The following IFT56 variants were observed in gnomAD, a reference collection of about 807,000 sequenced individuals.
IFT56 encodes intraflagellar transport protein 56.
chr7:139,148,170 A>T, the IFT56 span: 1 of 1,556,084 alleles, frequency 6.4e-7, no homozygotes, highest in Non-Finnish European at 8.8e-7. Flanking sequence ...CGTGAAGTAG[A>T]CTTAAATGGT....
the IFT56 span, chr7:139,179,664 T>C: frequency 5.7e-6 from 9 of 1,580,348 alleles, no homozygotes; most frequent in Non-Finnish European, 6.1e-6. Flanking sequence ...TTTTTTTAAA[T>C]ATTACAAGAA....
At chr7:139,157,139 CT>C in the IFT56 span, among the ~76,000 whole-genome samples, 75 of 82,128 alleles carry the variant, frequency 9.1e-4, no homozygotes, top group African/African-American at 1.3e-3. Flanking sequence ...TCTTTAATTT[CT>C]TTTTTTTTTT....
chr7:139,156,792 G>C, the IFT56 span, among the ~76,000 whole-genome samples: 1 of 152,076 alleles, frequency 6.6e-6, no homozygotes, highest in African/African-American at 2.4e-5. Context: ...AGATATGTCT[G>C]CTTCTGAACT....
the IFT56 span, among the ~76,000 whole-genome samples, chr7:139,160,467 G>C: frequency 1.4e-5 from 2 of 139,666 alleles, no homozygotes; most frequent in Admixed American, 7.5e-5. Context: ...GTCTTGCTCT[G>C]TCGCCAGGCT....
the IFT56 span, among the ~76,000 whole-genome samples, chr7:139,183,505 G>A: frequency 2.0e-5 from 3 of 151,986 alleles, no homozygotes; most frequent in Admixed American, 6.6e-5. Context: ...AGAATAAGGG[G>A]GGAAATGGCA....
chr7:139,173,330 C>T, the IFT56 span: 661 of 453,528 alleles, frequency 1.5e-3, 5 homozygotes, highest in African/African-American at 0.012. Context: ...TGGGTTCAAG[C>T]GATTTTCTTG....
chr7:139,178,448 G>T, the IFT56 span: 1 of 1,499,962 alleles, frequency 6.7e-7, no homozygotes, highest in Middle Eastern at 1.7e-4. Context: ...GTGTTTATCT[G>T]GTATAACTGA....
At chr7:139,136,637 TTG>T in the IFT56 span, among the ~76,000 whole-genome samples, 3,349 of 151,592 alleles carry the variant, frequency 0.022, 94 homozygotes, top group African/African-American at 0.076. Context: ...GATTGGCTAT[TTG>T]TGTGTGTGTG....
At chr7:139,134,641 T>C in the IFT56 span, 2 of 1,598,928 alleles carry the variant, frequency 1.3e-6, no homozygotes, top group Non-Finnish European at 1.7e-6. Context: ...CAGCTGTCTT[T>C]GTTTCTTTTA....
chr7:139,172,857 G>A, the IFT56 span: 1 of 682,282 alleles, frequency 1.5e-6, no homozygotes, highest in Non-Finnish European at 2.8e-6. Flanking sequence ...TTCCTTCCTT[G>A]CTAGGAGTCA....
chr7:139,180,969 T>C, the IFT56 span: 3 of 579,010 alleles, frequency 5.2e-6, no homozygotes, highest in Non-Finnish European at 8.9e-6. Flanking sequence ...AAGCTTTCCA[T>C]GAAAGCTTTC....
At chr7:139,161,111 C>T in the IFT56 span, 22 of 1,190,840 alleles carry the variant, frequency 1.8e-5, no homozygotes, top group African/African-American at 3.0e-5. Flanking sequence ...AAAGGAGATG[C>T]GCCAGCAAGT....
chr7:139,154,501 T>A, the IFT56 span, among the ~76,000 whole-genome samples: 4 of 152,166 alleles, frequency 2.6e-5, no homozygotes, highest in Non-Finnish European at 5.9e-5. Flanking sequence ...CCATTTTGAA[T>A]TAACATTTGT....
chr7:139,165,126 C>T, the IFT56 span: 1 of 1,607,846 alleles, frequency 6.2e-7, no homozygotes, highest in Non-Finnish European at 8.5e-7. Flanking sequence ...ATTTCTGTAT[C>T]TCTAGGTTGT....
the IFT56 span, among the ~76,000 whole-genome samples, chr7:139,146,626 G>T: frequency 6.6e-6 from 1 of 152,056 alleles, no homozygotes; most frequent in Non-Finnish European, 1.5e-5. Flanking sequence ...AATTAGCCGG[G>T]CGTGGTGGCA....
At chr7:139,134,960 C>T in the IFT56 span, among the ~76,000 whole-genome samples, 2 of 152,116 alleles carry the variant, frequency 1.3e-5, no homozygotes, top group Admixed American at 1.3e-4. Flanking sequence ...TCCAAGTTAG[C>T]TATAAACCTG....
At chr7:139,189,232 T>C in the IFT56 span, 1 of 923,076 alleles carries the variant, frequency 1.1e-6, no homozygotes, top group Non-Finnish European at 1.6e-6. Flanking sequence ...CTACAAGACA[T>C]ACAGTATGAA....
chr7:139,157,416 G>A, the IFT56 span, among the ~76,000 whole-genome samples: 1 of 151,248 alleles, frequency 6.6e-6, no homozygotes, highest in Non-Finnish European at 1.5e-5. Context: ...CAAAGTGCTG[G>A]GATTACAGGT....
the IFT56 span, chr7:139,172,848 T>G: frequency 1.5e-6 from 1 of 677,784 alleles, no homozygotes; most frequent in Non-Finnish European, 2.8e-6. Context: ...ACACTGTACT[T>G]CCTTCCTTGC....
Sources: gnomAD v4.1 joint callset for allele counts (sites outside exome capture counted in the v4.1 genomes callset) on GRCh38, gnomAD v4.1.1 for gene constraint, MANE v1.5 for transcripts, NCBI Gene and HGNC (gene_info 2026-07-23, HGNC 2026-07-21) for gene names.